The following CELF2 variants were observed in gnomAD, a reference collection of about 807,000 sequenced individuals.
CELF2 encodes CUGBP Elav-like family member 2.
CELF2 carries 8 observed loss-of-function variants against 62.6 expected under a neutral mutation model. That is an observed-to-expected ratio of 0.13 (90% CI 0.07 to 0.23). The LOEUF is 0.23. CELF2 is among the 10% of genes least tolerant of loss of function. CELF2 has a pLI of 1.00. For missense variants in CELF2, 333 were observed against 671.0 expected (o/e 0.50, Z 5.56); for synonymous variants, 258 against 250.0 (o/e 1.03, Z -0.30).
chr10:10,809,511 A>T (rs2131683051), intron 1 of CELF2, among the ~76,000 whole-genome samples: 1 of 152,334 alleles, frequency 6.6e-6, no homozygotes, highest in Non-Finnish European at 1.5e-5. Context: ...TCACTTTAGG[A>T]CAAAATTTCT....
the CELF2 span, among the ~76,000 whole-genome samples, chr10:10,757,123 C>G: frequency 6.6e-6 from 1 of 151,578 alleles, no homozygotes; most frequent in African/African-American, 2.4e-5. Context: ...GCCTGGGCAA[C>G]AGAGGGGGAC....
intron 2 of CELF2, among the ~76,000 whole-genome samples, chr10:11,171,084 G>C (rs183638037): frequency 3.9e-4 from 59 of 152,300 alleles, no homozygotes; most frequent in African/African-American, 1.3e-3. Context: ...ATAGAAAAGG[G>C]AAGTGGCTTT....
the CELF2 span, among the ~76,000 whole-genome samples, chr10:10,568,310 G>GA: frequency 0.022 from 3,306 of 148,224 alleles, 88 homozygotes; most frequent in East Asian, 0.098. Context: ...TGAGTCCGGA[G>GA]AAAAAAAAAA....
At chr10:11,027,322 G>A (rs1370667938) in intron 1 of CELF2, among the ~76,000 whole-genome samples, 1 of 152,078 alleles carries the variant, frequency 6.6e-6, no homozygotes, top group Admixed American at 6.6e-5. Context: ...ACGCTCTGAT[G>A]TCCGAAAGTT....
At chr10:10,661,078 A>G in the CELF2 span, among the ~76,000 whole-genome samples, 2 of 152,232 alleles carry the variant, frequency 1.3e-5, no homozygotes, top group Non-Finnish European at 2.9e-5. Flanking sequence ...AGATGCTCAG[A>G]TCTTAAATGT....
At chr10:10,677,057 C>A in the CELF2 span, among the ~76,000 whole-genome samples, 1 of 152,180 alleles carries the variant, frequency 6.6e-6, no homozygotes, top group South Asian at 2.1e-4. Context: ...TTCAGCCCAG[C>A]TGCTCATGGT....
chr10:11,258,168 G>T (rs923952352), intron 5 of CELF2, among the ~76,000 whole-genome samples: 2 of 152,200 alleles, frequency 1.3e-5, no homozygotes, highest in Non-Finnish European at 2.9e-5. Context: ...TGGATTTGGT[G>T]GGGGGAGGTG....
the CELF2 span, among the ~76,000 whole-genome samples, chr10:10,720,310 C>G: frequency 6.6e-6 from 1 of 152,206 alleles, no homozygotes; most frequent in Non-Finnish European, 1.5e-5. Context: ...TCTTCAATAG[C>G]GTGTTTCCTG....
the CELF2 span, among the ~76,000 whole-genome samples, chr10:10,491,004 C>A: frequency 6.6e-6 from 1 of 152,260 alleles, no homozygotes; most frequent in East Asian, 1.9e-4. Context: ...TATTGTTTCC[C>A]AGTGACTATT....
rs971198856 is a variant in CELF2 at position 11,329,357 on chromosome 10, T to C, written c.*304T>C. On this transcript the variant is annotated 3_prime_UTR_variant, in exon 13 of 13. Coordinates refer to ENST00000633077, the MANE Select transcript of CELF2 (RefSeq NM_001326342.2). The surrounding 1 kb of genome is among the most constrained non-coding windows in gnomAD (Gnocchi z 5.5). Reference sequence around the variant, plus strand: ...TTTTTTTAATTTTTTTCATTTTTGCTTTTTTTTAAAGAGAAGCATATACAC... The same window carrying C: ...TTTTTTTAATTTTTTTCATTTTTGCCTTTTTTTAAAGAGAAGCATATACAC... 1 of 177,680 alleles carries C rather than the reference T, an allele frequency of 5.6e-6. No individual in the cohort carries two copies. Among genetic ancestry groups the C allele is most frequent in the Middle Eastern group, 2.2e-3 (1 of 456 alleles). The allele number at this position is 177,680 out of a possible 1,614,324, so 11.0% of individuals were successfully genotyped here.
At chr10:10,892,252 C>T (rs1175545534) in intron 1 of CELF2, among the ~76,000 whole-genome samples, 1 of 152,116 alleles carries the variant, frequency 6.6e-6, no homozygotes, top group South Asian at 2.1e-4. Flanking sequence ...GGGTCACAAT[C>T]AGGTTTAGGC....
At chr10:11,077,000 T>G (rs935529490) in intron 1 of CELF2, among the ~76,000 whole-genome samples, 3 of 152,252 alleles carry the variant, frequency 2.0e-5, no homozygotes, top group Non-Finnish European at 4.4e-5. Context: ...GAATTCTTGC[T>G]CTGTCATTGA....
chr10:10,600,471 A>G, the CELF2 span, among the ~76,000 whole-genome samples: 2 of 152,234 alleles, frequency 1.3e-5, no homozygotes, highest in Non-Finnish European at 2.9e-5. Context: ...TTGGATCAAA[A>G]CAGAGACATG....
the CELF2 span, among the ~76,000 whole-genome samples, chr10:10,555,948 A>G: frequency 3.3e-5 from 5 of 152,134 alleles, no homozygotes; most frequent in African/African-American, 1.2e-4. Flanking sequence ...ATAGATACGT[A>G]TATTACATAT....
intron 1 of CELF2, among the ~76,000 whole-genome samples, chr10:11,079,504 C>T (rs547148727): frequency 3.3e-5 from 5 of 152,014 alleles, no homozygotes; most frequent in Non-Finnish European, 7.4e-5. Context: ...AGGGATTTTC[C>T]CCATGCTGTT....
the CELF2 span, among the ~76,000 whole-genome samples, chr10:10,526,507 C>A: frequency 1.3e-5 from 2 of 152,138 alleles, no homozygotes; most frequent in African/African-American, 4.8e-5. Context: ...CCATAACCTG[C>A]CTGGGTGACC....
intron 1 of CELF2, among the ~76,000 whole-genome samples, chr10:10,867,444 A>T (rs1045635168): frequency 1.1e-4 from 17 of 152,270 alleles, no homozygotes; most frequent in Non-Finnish European, 2.9e-5. Flanking sequence ...TTATGAAAAG[A>T]TGCAAACACA....
rs1427909991 is a variant in CELF2 at position 10,805,705 on chromosome 10, G to C, written c.53+6888G>C. ...TTTTATAGCTCAAGGTGGAGGCCTA[G>C]TTGAGAAGAGCTCAGAGGAGCCCGG... On this transcript the variant is annotated intron_variant, in intron 1 of 13. Transcript: ENST00000636488. 2.6e-5 allele frequency among the ~76,000 whole-genome samples: 4 copies of C among 152,178 alleles called. No individual in the cohort carries two copies. The East Asian group carries it at 7.7e-4, about 29-fold the overall frequency.
chr10:10,598,666 T>A, the CELF2 span, among the ~76,000 whole-genome samples: 1 of 151,994 alleles, frequency 6.6e-6, no homozygotes, highest in South Asian at 2.1e-4. Context: ...AACTAAAGAA[T>A]TCAGACCTAC....
Sources: allele counts gnomAD v4.1 joint callset (sites outside exome capture counted in the v4.1 genomes callset), GRCh38; gene constraint gnomAD v4.1.1; non-coding constraint Gnocchi (gnomAD v3.1); transcripts MANE v1.5; gene names NCBI Gene and HGNC (gene_info 2026-07-23, HGNC 2026-07-21).